The following FAM204A variants were observed in gnomAD, a reference collection of about 807,000 sequenced individuals.
FAM204A encodes protein FAM204A.
FAM204A carries 16 observed loss-of-function variants against 35.4 expected under a neutral mutation model. The observed-to-expected ratio is 0.45, with a 90% CI of 0.31 to 0.69. The LOEUF is 0.69. Among genes scored for constraint, FAM204A ranks in the 30% least tolerant of loss-of-function variants. The probability of loss-of-function intolerance (pLI) is 0.07; values close to 1 mark genes in which losing one functional copy is unlikely to be tolerated. For missense variants in FAM204A, 240 were observed against 265.7 expected (o/e 0.90, Z 0.67); for synonymous variants, 76 against 86.9 (o/e 0.88, Z 0.70).
chr10:118,300,108 TG>T lies in FAM204A; in HGVS notation c.*10748del, dbSNP rs760729733. 15 of 152,098 alleles carry T rather than the reference TG, an allele frequency of 9.9e-5. No individual in the cohort carries two copies. The highest frequency in any genetic ancestry group is 1.9e-4 in the Non-Finnish European group (13 of 68,036). 9.4% of individuals were successfully genotyped at this position (152,098 alleles called of 1,614,324 possible). A position where few individuals can be genotyped will look rare whatever the true frequency, so the allele number is the denominator to read the frequency against. On this transcript the variant is annotated 3_prime_UTR_variant, in exon 9 of 9. Coordinates refer to ENST00000369183, the MANE Select transcript of FAM204A (RefSeq NM_022063.3). ...TCTTAATGGGCTGGACACCCTAGAA[TG>T]GAAGTGTTTAAGCAGGGTCCTCTAG...
At chr10:118,336,535 C>A (rs1176089153) in intron 2 of FAM204A, 112 bp from the exon 3 acceptor site, 3 of 951,742 alleles carry the variant, frequency 3.2e-6, no homozygotes, top group African/African-American at 3.4e-5. Flanking sequence ...TGGGAACAGT[C>A]CATCTAAACT....
rs1362656773 is a variant in FAM204A, at chr10:118,306,084, T to A, written c.*4773A>T. 1 of 152,238 alleles carries A rather than the reference T, an allele frequency of 6.6e-6. No individual in the cohort carries two copies. Among genetic ancestry groups the A allele is most frequent in the Non-Finnish European group, 1.5e-5 (1 of 68,054 alleles). 9.4% of individuals were successfully genotyped at this position (152,238 alleles called of 1,614,324 possible). On this transcript the variant is annotated 3_prime_UTR_variant, in exon 9 of 9. Coordinates refer to ENST00000369183, the MANE Select transcript of FAM204A (RefSeq NM_022063.3). ...AGCTTGCACTGTAGCTGTTGGTTCC[T>A]AAGGCTTTAAATTCAATGAACAAGT...
At chr10:118,337,364 G>T in intron 2 of FAM204A, 1 of 397,298 alleles carries the variant, frequency 2.5e-6, no homozygotes, top group Non-Finnish European at 3.4e-6. Flanking sequence ...AAAATGGAAG[G>T]ACGGAAATTT....
rs544697182 is a variant in FAM204A, at chr10:118,324,357, A to G, written c.543+1797T>C. Among the ~76,000 whole-genome samples the G allele has an allele frequency of 5.4e-4, 82 of 152,308 alleles. No homozygotes were observed. In the South Asian group the frequency reaches 0.014, roughly 26 times the overall value. ...GAACTGAAAGCAGGCATTCAAACAG[A>G]TATTTGTACACCAATATTCATAGCA... On this transcript the variant is annotated intron_variant, in intron 7 of 8. Transcript: ENST00000369183.
chr10:118,326,082 G>T, intron 7 of FAM204A, 72 bp downstream of exon 7: 4 of 1,175,088 alleles, frequency 3.4e-6, no homozygotes, highest in Non-Finnish European at 5.0e-6. Flanking sequence ...ACTTATTAAT[G>T]ATCATAAAAA....
chr10:118,329,707 C>G (rs1846260076), intron 6 of FAM204A, among the ~76,000 whole-genome samples: 1 of 152,154 alleles, frequency 6.6e-6, no homozygotes, highest in Admixed American at 6.5e-5. Flanking sequence ...TCAGTGAGAG[C>G]AGGCTGTGTG....
intron 7 of FAM204A, among the ~76,000 whole-genome samples, chr10:118,312,152 T>C (rs1314224209): frequency 1.3e-5 from 2 of 152,228 alleles, no homozygotes; most frequent in Non-Finnish European, 2.9e-5. Context: ...TCTTCTACTT[T>C]TAGTGTGCTC....
Position 118,311,991 on chromosome 10 carries a change from C to A in FAM204A, c.544-678G>T, listed in dbSNP as rs193276218. On this transcript the variant is annotated intron_variant, in intron 7 of 8. Coordinates refer to ENST00000369183, the MANE Select transcript of FAM204A (RefSeq NM_022063.3). ...TACAAGATCCATTCACCGTGAAATC[C>A]CCCCATCCCAGAAGTCTTCTTTAAC... Among the ~76,000 whole-genome samples, 173 of 152,196 alleles carry A rather than the reference C, an allele frequency of 1.1e-3. 3 individuals carry two copies. In the South Asian group the frequency reaches 0.014, roughly 12 times the overall value.
At chr10:118,311,072 T>A in intron 8 of FAM204A, 135 bp downstream of exon 8, 4 of 1,026,462 alleles carry the variant, frequency 3.9e-6, no homozygotes, top group Non-Finnish European at 5.8e-6. Context: ...TCTATATTTA[T>A]AATCTGATAA....
chr10:118,334,256 A>G (rs59100927), intron 6 of FAM204A, among the ~76,000 whole-genome samples: 2,161 of 151,976 alleles, frequency 0.014, 43 homozygotes, highest in African/African-American at 0.049. Flanking sequence ...CCCTTCCCCA[A>G]ATTTCTCTTC....
intron 6 of FAM204A, among the ~76,000 whole-genome samples, chr10:118,329,049 A>G (rs1452096765): frequency 6.6e-6 from 1 of 152,180 alleles, no homozygotes; most frequent in African/African-American, 2.4e-5. Context: ...TACAAAGGCA[A>G]GGTCTTCAAT....
At chr10:118,337,937 G>A (rs1048860850) in intron 2 of FAM204A, among the ~76,000 whole-genome samples, 1 of 152,116 alleles carries the variant, frequency 6.6e-6, no homozygotes, top group Non-Finnish European at 1.5e-5. Flanking sequence ...AATAATTGTG[G>A]TGCACTCACT....
chr10:118,339,181 C>T (rs1377373604), intron 2 of FAM204A, among the ~76,000 whole-genome samples: 2 of 152,166 alleles, frequency 1.3e-5, no homozygotes, highest in Non-Finnish European at 2.9e-5. Context: ...GGAGACTGAG[C>T]AGTCACTGAT....
intron 7 of FAM204A, among the ~76,000 whole-genome samples, chr10:118,319,187 G>T (rs1460742579): frequency 6.6e-6 from 1 of 151,932 alleles, no homozygotes; most frequent in Non-Finnish European, 1.5e-5. Context: ...CTCCTCAAAT[G>T]TACATATAAA....
At chr10:118,318,273 C>G (rs1415804237) in intron 7 of FAM204A, among the ~76,000 whole-genome samples, 1 of 151,856 alleles carries the variant, frequency 6.6e-6, no homozygotes, top group Non-Finnish European at 1.5e-5. Context: ...TATATTTTGC[C>G]AGAGTGCAGA....
intron 6 of FAM204A, among the ~76,000 whole-genome samples, chr10:118,332,453 CCT>C (rs1846307963): frequency 1.3e-5 from 2 of 151,846 alleles, no homozygotes; most frequent in African/African-American, 4.8e-5. Flanking sequence ...ACTCCCCATA[CCT>C]CTCTCACCAC....
rs1845856802 is a variant in FAM204A at position 118,305,731 on chromosome 10, T to C, written c.*5126A>G. 6.6e-6 allele frequency: 1 copy of C among 152,238 alleles called. No homozygotes were observed. Among genetic ancestry groups the C allele is most frequent in the Non-Finnish European group, 1.5e-5 (1 of 68,048 alleles). 9.4% of individuals were successfully genotyped at this position (152,238 alleles called of 1,614,324 possible). A position where few individuals can be genotyped will look rare whatever the true frequency, so the allele number is the denominator to read the frequency against. ...TATATTTCCTATTAGATTTTGCTTA[T>C]TCATCCTTGCATCTGCAAGAGTTAG... On this transcript the variant is annotated 3_prime_UTR_variant, in exon 9 of 9. Coordinates refer to ENST00000369183, the MANE Select transcript of FAM204A (RefSeq NM_022063.3).
In FAM204A at chr10:118,309,441, T is replaced by C. The variant is rs1384385585; in HGVS notation, c.*1416A>G. ...TTTACATGTTTCTGAATTTATATTA[T>C]CAACCCAGAGAAAGTTTATATCAGA... On this transcript the variant is annotated 3_prime_UTR_variant, in exon 9 of 9. Transcript: ENST00000369183. 6.6e-6 allele frequency: 1 copy of C among 152,182 alleles called. No homozygotes were observed. Among genetic ancestry groups the C allele is most frequent in the African/African-American group, 2.4e-5 (1 of 41,446 alleles). 9.4% of individuals were successfully genotyped at this position (152,182 alleles called of 1,614,324 possible).
At chr10:118,325,244 T>C (rs968733478) in intron 7 of FAM204A, among the ~76,000 whole-genome samples, 2 of 152,200 alleles carry the variant, frequency 1.3e-5, no homozygotes, top group East Asian at 3.9e-4. Context: ...ACATCAGATA[T>C]AATGATGGAA....
Sources: allele counts gnomAD v4.1 joint callset (sites outside exome capture counted in the v4.1 genomes callset), GRCh38; gene constraint gnomAD v4.1.1; transcripts MANE v1.5; gene names NCBI Gene and HGNC (gene_info 2026-07-23, HGNC 2026-07-21).